Variants in AK5 observed in about 807,000 individuals in gnomAD.
The protein encoded by AK5 is adenylate kinase isoenzyme 5.
In AK5, 27 loss-of-function variants were observed where a neutral mutation model predicts 69.5. That is an observed-to-expected ratio of 0.39 (90% confidence interval 0.29 to 0.54). AK5 has a LOEUF of 0.54. Among genes scored for constraint, AK5 ranks in the 20% least tolerant of loss-of-function variants. AK5 has a pLI of 0.71. For missense variants in AK5, 531 were observed against 700.4 expected (o/e 0.76, Z 2.73); for synonymous variants, 260 against 244.4 (o/e 1.06, Z -0.60).
chr1:77,517,745 C>G (rs1169957310), intron 10 of AK5, among the ~76,000 whole-genome samples: 1 of 152,110 alleles, frequency 6.6e-6, no homozygotes, highest in Admixed American at 6.6e-5. Context: ...TACAAAATAA[C>G]TATTCATAAT....
chr1:77,536,537 G>A (rs1021954031), intron 13 of AK5, among the ~76,000 whole-genome samples: 9 of 152,058 alleles, frequency 5.9e-5, no homozygotes, highest in African/African-American at 1.5e-4. Context: ...AATATCTGTC[G>A]TCATATAGAC....
chr1:77,514,828 G>A (rs1307644492), intron 10 of AK5, among the ~76,000 whole-genome samples: 4 of 152,240 alleles, frequency 2.6e-5, no homozygotes, highest in Non-Finnish European at 4.4e-5. Flanking sequence ...ATTGGAACAT[G>A]GCATTTTTGC....
chr1:77,332,193 A>G (rs1291377621), intron 5 of AK5, among the ~76,000 whole-genome samples: 1 of 152,108 alleles, frequency 6.6e-6, no homozygotes, highest in Non-Finnish European at 1.5e-5. Context: ...TTTATAGAAT[A>G]TTTAGAGATT....
At chr1:77,389,195 A>T (rs1409753066) in intron 6 of AK5, among the ~76,000 whole-genome samples, 3 of 152,230 alleles carry the variant, frequency 2.0e-5, no homozygotes, top group Non-Finnish European at 4.4e-5. Context: ...GAGAGACTGT[A>T]GAATTACTTT....
At chr1:77,492,636 CAG>C (rs910471069) in intron 10 of AK5, among the ~76,000 whole-genome samples, 2 of 152,176 alleles carry the variant, frequency 1.3e-5, no homozygotes, top group Non-Finnish European at 2.9e-5. Flanking sequence ...AGGAAGATGT[CAG>C]GGGGAAAATA....
chr1:77,541,222 C>T (rs1466745851), intron 13 of AK5, among the ~76,000 whole-genome samples: 2 of 152,084 alleles, frequency 1.3e-5, no homozygotes, highest in East Asian at 3.9e-4. Context: ...CCTAGGAGTT[C>T]TTGACTATCT....
intron 6 of AK5, among the ~76,000 whole-genome samples, chr1:77,356,055 T>C (rs1662502714): frequency 6.6e-6 from 1 of 152,182 alleles, no homozygotes; most frequent in South Asian, 2.1e-4. Flanking sequence ...AGATCTCTAG[T>C]CTTTAAATTG....
chr1:77,501,420 C>T (rs1381419513), intron 10 of AK5, among the ~76,000 whole-genome samples: 1 of 152,224 alleles, frequency 6.6e-6, no homozygotes, highest in Non-Finnish European at 1.5e-5. Context: ...ATGAGAGCAT[C>T]CTAGTGTGTA....
intron 2 of AK5, 95 bp from the exon 3 acceptor site, chr1:77,293,698 T>G: frequency 9.1e-7 from 1 of 1,101,720 alleles, no homozygotes; most frequent in Non-Finnish European, 1.3e-6. Context: ...AACAAACCCA[T>G]TTAATTTTAA....
intron 13 of AK5, among the ~76,000 whole-genome samples, chr1:77,544,179 A>G (rs4589153): frequency 0.6 from 91,968 of 152,028 alleles, 30,554 homozygotes; most frequent in Non-Finnish European, 0.74. Context: ...ATACAGAATA[A>G]AAAATTTCAG....
chr1:77,549,990 C>T (rs895312715), intron 13 of AK5, among the ~76,000 whole-genome samples: 2 of 151,990 alleles, frequency 1.3e-5, no homozygotes, highest in Middle Eastern at 3.4e-3. Flanking sequence ...AAGGTCTTAC[C>T]CTGTTGCCCA....
At chr1:77,458,965 T>C (rs956550283) in intron 8 of AK5, among the ~76,000 whole-genome samples, 1 of 152,220 alleles carries the variant, frequency 6.6e-6, no homozygotes, top group African/African-American at 2.4e-5. Flanking sequence ...AGGGAACTTC[T>C]GGTGTCTTGC....
At chr1:77,367,893 G>GTT (rs1647024856) in intron 6 of AK5, among the ~76,000 whole-genome samples, 2 of 7,562 alleles carry the variant, frequency 2.6e-4, no homozygotes, top group African/African-American at 7.8e-4. Flanking sequence ...AAATATATGT[G>GTT]ATATATATTA....
Position 77,340,541 on chromosome 1 carries a change from C to T in AK5, c.864C>T (p.Tyr288=), listed in dbSNP as rs745797675. 2.9e-5 allele frequency: 47 copies of T among 1,613,924 alleles called. No individual in the cohort carries two copies. Among genetic ancestry groups the T allele is most frequent in the Middle Eastern group, 1.6e-4 (1 of 6,082 alleles). ...FKQNAAPLVK[Y]FQEKGLIMTF... Reference sequence around the variant, plus strand: ...AGAATGCTGCTCCATTGGTTAAATACTTCCAGGAAAAGGGGCTCATCATGA... The same window carrying T: ...AGAATGCTGCTCCATTGGTTAAATATTTCCAGGAAAAGGGGCTCATCATGA... Residue 288 remains tyrosine (Y), a synonymous_variant, in exon 6 of 14, where the codon TAC becomes TAT. Coordinates refer to ENST00000354567, the MANE Select transcript of AK5 (RefSeq NM_174858.3).
intron 5 of AK5, among the ~76,000 whole-genome samples, chr1:77,316,856 A>G (rs1443719067): frequency 1.3e-5 from 2 of 152,206 alleles, no homozygotes; most frequent in East Asian, 1.9e-4. Context: ...TGAGATATTT[A>G]TAATTGCCTT....
intron 3 of AK5, among the ~76,000 whole-genome samples, chr1:77,295,078 C>T (rs755023949): frequency 7.2e-5 from 11 of 152,142 alleles, no homozygotes; most frequent in African/African-American, 9.7e-5. Context: ...CTATAACAAT[C>T]ATGAAGAGAC....
rs548209648 is a variant in AK5 at position 77,404,036 on chromosome 1, A to C, written c.892-6945A>C. On this transcript the variant is annotated intron_variant, in intron 6 of 13. Transcript: ENST00000354567. ...CACATCCCTCGTAAGTTGGATTCCTAGGTATTTTATTCTCTTTGAAGCAAT... is the reference window on the plus strand; with the variant it reads ...CACATCCCTCGTAAGTTGGATTCCTCGGTATTTTATTCTCTTTGAAGCAAT... Among the ~76,000 whole-genome samples the C allele has an allele frequency of 2.6e-5, 4 of 152,194 alleles. No homozygotes were observed. In the South Asian group the frequency reaches 8.3e-4, roughly 32 times the overall value.
At chr1:77,361,218 CT>C (rs2100438133) in intron 6 of AK5, among the ~76,000 whole-genome samples, 1 of 152,308 alleles carries the variant, frequency 6.6e-6, no homozygotes, top group African/African-American at 2.4e-5. Context: ...TTCTAAATTC[CT>C]TTACTACTTA....
chr1:77,405,352 C>T (rs936270798), intron 6 of AK5, among the ~76,000 whole-genome samples: 2 of 152,204 alleles, frequency 1.3e-5, no homozygotes, highest in Admixed American at 6.5e-5. Context: ...CTGTCTGAAC[C>T]GGGTTTACAA....
Sources: allele counts gnomAD v4.1 joint callset (sites outside exome capture counted in the v4.1 genomes callset), GRCh38; gene constraint gnomAD v4.1.1; transcripts MANE v1.5; gene names NCBI Gene and HGNC (gene_info 2026-07-23, HGNC 2026-07-21).